PHF20: variants seen among roughly 807,000 people sequenced by gnomAD.
PHF20 encodes the protein PHD finger protein 20, also known as glioma-expressed antigen 2.
Under a neutral mutation model 113.5 loss-of-function variants are expected in PHF20, and 23 were observed. The ratio of observed to expected loss-of-function variants is 0.20; its 90% confidence interval spans 0.15 to 0.29. The LOEUF is 0.29. Among genes scored for constraint, PHF20 ranks in the 10% least tolerant of loss-of-function variants. The pLI, the probability that PHF20 is intolerant of heterozygous loss-of-function variation, is 1.00. For missense variants in PHF20, 943 were observed against 1,219.6 expected (o/e 0.77, Z 3.38); for synonymous variants, 434 against 457.3 (o/e 0.95, Z 0.65).
chr20:35,864,103 C>T (rs2054269105), intron 6 of PHF20, among the ~76,000 whole-genome samples: 1 of 152,176 alleles, frequency 6.6e-6, no homozygotes, highest in South Asian at 2.1e-4. Context: ...GAGGCCCCCC[C>T]GGTTCTCTGG....
chr20:35,910,138 T>C (rs1226170506), intron 10 of PHF20, among the ~76,000 whole-genome samples: 2 of 152,168 alleles, frequency 1.3e-5, no homozygotes, highest in Non-Finnish European at 2.9e-5. Flanking sequence ...CTTGAAAACA[T>C]CATGCTAAAT....
intron 9 of PHF20, among the ~76,000 whole-genome samples, chr20:35,891,801 A>C (rs2054868403): frequency 6.6e-6 from 1 of 152,150 alleles, no homozygotes; most frequent in South Asian, 2.1e-4. Flanking sequence ...TTCACGAGAA[A>C]GGGACGATTG....
At position 35,794,026 on chromosome 20, in the gene PHF20, G is replaced by A. The variant is rs1217523117; in HGVS notation, c.-32-7465G>A. Among the ~76,000 whole-genome samples the A allele has an allele frequency of 3.3e-4, 37 of 111,754 alleles. No homozygotes were observed. In the East Asian group the frequency reaches 7.3e-3, roughly 22 times the overall value. 73.3% of individuals were successfully genotyped at this position (111,754 alleles called of 152,430 possible). A position where few individuals can be genotyped will look rare whatever the true frequency, so the allele number is the denominator to read the frequency against. Reference sequence around the variant, plus strand: ...AAAAAAAAAAAAAAAAAGGCCAGGCGCGGTGGCTCACACCTGTAATCCCCA... The same window carrying A: ...AAAAAAAAAAAAAAAAAGGCCAGGCACGGTGGCTCACACCTGTAATCCCCA... On this transcript the variant is annotated intron_variant, in intron 1 of 17. Transcript: ENST00000374012.
chr20:35,942,225 G>A (rs1404079356), intron 17 of PHF20, among the ~76,000 whole-genome samples: 1 of 152,106 alleles, frequency 6.6e-6, no homozygotes. Flanking sequence ...CTGTGATTAT[G>A]TCACGGTACT....
chr20:35,797,742 C>T (rs1250739628), intron 1 of PHF20, among the ~76,000 whole-genome samples: 1 of 150,538 alleles, frequency 6.6e-6, no homozygotes, highest in Non-Finnish European at 1.5e-5. Context: ...ACCTCCGCCT[C>T]CTGGGTTCAA....
chr20:35,804,185 C>G (rs1049079290), intron 2 of PHF20, among the ~76,000 whole-genome samples: 1 of 150,954 alleles, frequency 6.6e-6, no homozygotes, highest in Non-Finnish European at 1.5e-5. Context: ...AGCAGTTCAG[C>G]CTCAGCTGGG....
intron 3 of PHF20, among the ~76,000 whole-genome samples, 180 bp from the exon 4 acceptor site, chr20:35,847,170 A>G (rs1357423021): frequency 6.6e-6 from 1 of 152,122 alleles, no homozygotes; most frequent in Non-Finnish European, 1.5e-5. Context: ...GACAAATGAC[A>G]CCGAAATTAT....
chr20:35,852,103 G>A (rs1232906368), intron 4 of PHF20, among the ~76,000 whole-genome samples: 2 of 152,164 alleles, frequency 1.3e-5, no homozygotes, highest in African/African-American at 4.8e-5. Context: ...GAGGAACTAA[G>A]CTCACAGGGG....
At position 35,842,647 on chromosome 20, in the gene PHF20, G is replaced by A. The variant is rs772978047; in HGVS notation, c.158G>A (p.Arg53His). Residue 53 changes from arginine (R) to histidine (H), a missense_variant, in exon 3 of 18, where the codon CGT becomes CAT. Around this residue, in one of 3 missense-constraint regions of PHF20, gnomAD observed 592 missense variants for 787.2 expected, o/e 0.75. Coordinates refer to ENST00000374012, the MANE Select transcript of PHF20 (RefSeq NM_016436.5). The part of the protein sequence containing the change: ...VLIHFKRWNH[R>H]YDEWFCWDSP... Reference sequence around the variant, plus strand: ...ATCCATTTCAAGCGTTGGAACCATCGTTATGATGAGTGGTTCTGCTGGGAC... The same window carrying A: ...ATCCATTTCAAGCGTTGGAACCATCATTATGATGAGTGGTTCTGCTGGGAC... The A allele has an allele frequency of 1.9e-6, 3 of 1,613,744 alleles. No homozygotes were observed. Among genetic ancestry groups the A allele is most frequent in the Non-Finnish European group, 2.5e-6 (3 of 1,179,724 alleles).
chr20:35,859,782 C>T (rs144997160), intron 5 of PHF20, among the ~76,000 whole-genome samples: 6,523 of 152,198 alleles, frequency 0.043, 178 homozygotes, highest in African/African-American at 0.08. Context: ...TGAGTTCAGG[C>T]AATCTGCCCA....
chr20:35,826,459 G>A (rs1384071453), intron 2 of PHF20, among the ~76,000 whole-genome samples: 1 of 152,152 alleles, frequency 6.6e-6, no homozygotes, highest in Non-Finnish European at 1.5e-5. Flanking sequence ...GGGTTGGGTG[G>A]CAGTTGTGAT....
intron 2 of PHF20, among the ~76,000 whole-genome samples, chr20:35,828,396 CT>C (rs1330381574): frequency 6.6e-6 from 1 of 152,090 alleles, no homozygotes; most frequent in Non-Finnish European, 1.5e-5. Context: ...AATTGTCATC[CT>C]TTCTGTTTTT....
intron 14 of PHF20, among the ~76,000 whole-genome samples, chr20:35,928,195 T>A (rs1291637391): frequency 7.2e-5 from 11 of 151,960 alleles, no homozygotes; most frequent in Non-Finnish European, 1.3e-4. Flanking sequence ...TCCCAGCACT[T>A]TGGGAGGCCA....
At chr20:35,933,522 G>A (rs1439979063) in intron 15 of PHF20, among the ~76,000 whole-genome samples, 1 of 151,496 alleles carries the variant, frequency 6.6e-6, no homozygotes, top group Non-Finnish European at 1.5e-5. Flanking sequence ...TCAGCCTCCC[G>A]AGTAGCTGGG....
At chr20:35,917,174 C>T (rs2055418918) in intron 12 of PHF20, 2 of 432,464 alleles carry the variant, frequency 4.6e-6, no homozygotes. Flanking sequence ...GGATGGTGGC[C>T]TGTGTGGTTC....
intron 2 of PHF20, among the ~76,000 whole-genome samples, chr20:35,838,042 C>T (rs2146930586): frequency 6.6e-6 from 1 of 152,180 alleles, no homozygotes; most frequent in South Asian, 2.1e-4. Flanking sequence ...GATATGTGTG[C>T]CCAATAAAGT....
intron 5 of PHF20, among the ~76,000 whole-genome samples, chr20:35,860,696 T>C (rs576260224): frequency 1.1e-4 from 17 of 152,354 alleles, no homozygotes; most frequent in Non-Finnish European, 1.9e-4. Flanking sequence ...CTCTCTGGCA[T>C]GTAAGGAGCC....
intron 2 of PHF20, among the ~76,000 whole-genome samples, chr20:35,822,986 A>G (rs1368318226): frequency 6.6e-6 from 1 of 152,004 alleles, no homozygotes; most frequent in Non-Finnish European, 1.5e-5. Context: ...TTGACACCTC[A>G]GTACCACCCA....
rs1288030513 is a variant in PHF20 at position 35,841,131 on chromosome 20, G to T, written c.84-1442G>T. Among the ~76,000 whole-genome samples, 13 of 152,030 alleles carry T rather than the reference G, an allele frequency of 8.6e-5. No individual in the cohort carries two copies. The East Asian group carries it at 2.5e-3, about 29-fold the overall frequency. ...CTGCTATCCTGGGCAGATAGCTTGA[G>T]CCCAGGAGTTTGAGACCAGCCTGGG... On this transcript the variant is annotated intron_variant, in intron 2 of 17. Transcript: ENST00000374012.
Sources: gnomAD v4.1 joint callset for allele counts (sites outside exome capture counted in the v4.1 genomes callset) on GRCh38, gnomAD v4.1.1 for gene constraint, gnomAD v4.1.1 regional missense constraint, MANE v1.5 for transcripts, NCBI Gene and HGNC (gene_info 2026-07-23, HGNC 2026-07-21) for gene names.